GRID2: variants seen among roughly 807,000 people sequenced by gnomAD.
The protein encoded by GRID2 is glutamate ionotropic receptor delta type subunit 2, also known as glutamate receptor ionotropic, delta-2.
GRID2 carries 33 observed loss-of-function variants against 114.8 expected under a neutral mutation model. The observed-to-expected ratio is 0.29, with a 90% CI of 0.22 to 0.38. The LOEUF (loss-of-function observed/expected upper bound fraction) is 0.38, where lower values mean the gene tolerates loss of function less well. GRID2 is among the 10% of genes least tolerant of loss of function. The pLI, the probability that GRID2 is intolerant of heterozygous loss-of-function variation, is 1.00. For missense variants in GRID2, 1,184 were observed against 1,257.7 expected, an observed-to-expected ratio of 0.94 and a Z score of 0.89; for synonymous variants, 505 against 449.9, an observed-to-expected ratio of 1.12 and a Z score of -1.55.
chr4:93,298,510 A>T (rs1312248356), intron 8 of GRID2, among the ~76,000 whole-genome samples: 1 of 152,116 alleles, frequency 6.6e-6, no homozygotes, highest in Non-Finnish European at 1.5e-5. Flanking sequence ...CCTCCCAAAG[A>T]CCCTTTTAGC....
At chr4:92,345,326 T>C (rs572771938) in intron 1 of GRID2, among the ~76,000 whole-genome samples, 1 of 152,390 alleles carries the variant, frequency 6.6e-6, no homozygotes, top group East Asian at 1.9e-4. Context: ...CCATAGTGTG[T>C]CTATACCATG....
chr4:92,894,235 G>T (rs893433002), intron 2 of GRID2, among the ~76,000 whole-genome samples: 10 of 152,018 alleles, frequency 6.6e-5, no homozygotes. Flanking sequence ...TAGAGAGAAG[G>T]TCTCCTTTAC....
chr4:93,631,791 A>G (rs1720917376), intron 14 of GRID2, among the ~76,000 whole-genome samples: 1 of 152,200 alleles, frequency 6.6e-6, no homozygotes, highest in African/African-American at 2.4e-5. Flanking sequence ...GAATCGCCAC[A>G]CTGTCTTCCA....
intron 1 of GRID2, among the ~76,000 whole-genome samples, chr4:92,480,773 A>G (rs1385821356): frequency 6.6e-6 from 1 of 152,168 alleles, no homozygotes; most frequent in Non-Finnish European, 1.5e-5. Context: ...ATTAAGGTGT[A>G]GGCATATCTT....
At chr4:93,688,023 G>A (rs937974613) in intron 14 of GRID2, among the ~76,000 whole-genome samples, 9 of 151,838 alleles carry the variant, frequency 5.9e-5, no homozygotes, top group Admixed American at 4.6e-4. Flanking sequence ...GAGGGAAGAA[G>A]AGCCACCTAT....
intron 10 of GRID2, among the ~76,000 whole-genome samples, chr4:93,435,088 C>G (rs1720943730): frequency 7.8e-6 from 1 of 127,642 alleles, no homozygotes; most frequent in South Asian, 2.2e-4. Flanking sequence ...TTTTATAACA[C>G]TTACAATTAT....
intron 12 of GRID2, among the ~76,000 whole-genome samples, chr4:93,495,293 CT>C (rs1270539355): frequency 6.6e-6 from 1 of 151,054 alleles, no homozygotes; most frequent in African/African-American, 2.4e-5. Context: ...AGAAGAACCC[CT>C]TTTCCCTAGC....
intron 2 of GRID2, among the ~76,000 whole-genome samples, chr4:92,672,665 A>G (rs1324704653): frequency 6.6e-6 from 1 of 151,964 alleles, no homozygotes; most frequent in East Asian, 1.9e-4. Flanking sequence ...CCATTTTCCC[A>G]TCTATTCTTC....
chr4:92,825,852 C>A (rs1448092286), intron 2 of GRID2, among the ~76,000 whole-genome samples: 1 of 152,076 alleles, frequency 6.6e-6, no homozygotes, highest in African/African-American at 2.4e-5. Context: ...CACTGGGGAA[C>A]TACTTAATTC....
At chr4:92,397,091 A>G (rs1465744324) in intron 1 of GRID2, among the ~76,000 whole-genome samples, 2 of 152,088 alleles carry the variant, frequency 1.3e-5, no homozygotes, top group Non-Finnish European at 2.9e-5. Context: ...TCCATTTACA[A>G]AAAGTTGAAT....
chr4:92,393,757 A>G (rs570855914), intron 1 of GRID2, among the ~76,000 whole-genome samples: 1 of 152,262 alleles, frequency 6.6e-6, no homozygotes, highest in South Asian at 2.1e-4. Flanking sequence ...AAATATTATT[A>G]GCCAGAAGTT....
chr4:92,727,835 C>T (rs990572619), intron 2 of GRID2, among the ~76,000 whole-genome samples: 3 of 152,026 alleles, frequency 2.0e-5, no homozygotes, highest in African/African-American at 7.2e-5. Flanking sequence ...CTAGTATCTC[C>T]ATTTTATGGA....
chr4:92,599,755 C>A (rs1477906922), intron 2 of GRID2, among the ~76,000 whole-genome samples: 1 of 151,656 alleles, frequency 6.6e-6, no homozygotes, highest in Non-Finnish European at 1.5e-5. Context: ...GGCCATGCAC[C>A]GTGGCTCACG....
intron 14 of GRID2, among the ~76,000 whole-genome samples, chr4:93,693,868 G>A (rs1281033308): frequency 6.6e-6 from 1 of 152,126 alleles, no homozygotes; most frequent in African/African-American, 2.4e-5. Flanking sequence ...AAATAAGTAT[G>A]TTGAGGAGAA....
chr4:93,587,992 T>C lies in GRID2; in HGVS notation c.2194-38277T>C, dbSNP rs560325973. On this transcript the variant is annotated intron_variant, in intron 13 of 15. Coordinates refer to ENST00000282020, the MANE Select transcript of GRID2 (RefSeq NM_001510.4). ...AGAATCCAGAGATAATAATCCTATA[T>C]TAACCTTTGCTGTTACTTTATGGTT... 2.9e-4 allele frequency among the ~76,000 whole-genome samples: 44 copies of C among 152,288 alleles called. 1 individual carries two copies. Among genetic ancestry groups the C allele is most frequent in the Admixed American group, 5.2e-4 (8 of 15,292 alleles).
At chr4:93,168,468 C>T (rs560628936) in intron 4 of GRID2, among the ~76,000 whole-genome samples, 13 of 151,958 alleles carry the variant, frequency 8.6e-5, no homozygotes, top group Non-Finnish European at 2.9e-5. Context: ...TTTAGTTAGC[C>T]AGTCAAAAGA....
intron 8 of GRID2, among the ~76,000 whole-genome samples, chr4:93,372,361 G>T (rs998574788): frequency 2.5e-5 from 2 of 79,574 alleles, no homozygotes; most frequent in African/African-American, 1.7e-4. Flanking sequence ...TGACAGTAGG[G>T]ATTATAGTAA....
intron 2 of GRID2, among the ~76,000 whole-genome samples, chr4:92,746,666 G>A (rs1737162765): frequency 6.6e-6 from 1 of 151,974 alleles, no homozygotes; most frequent in South Asian, 2.1e-4. Context: ...ATGTTTCACT[G>A]GTATGCATGC....
intron 2 of GRID2, among the ~76,000 whole-genome samples, chr4:92,697,026 T>C (rs1036482585): frequency 6.6e-6 from 1 of 152,230 alleles, no homozygotes; most frequent in Non-Finnish European, 1.5e-5. Flanking sequence ...AAATGAATTT[T>C]AGTGTTTGTG....
Sources: allele counts gnomAD v4.1 joint callset (sites outside exome capture counted in the v4.1 genomes callset), GRCh38; gene constraint gnomAD v4.1.1; transcripts MANE v1.5; gene names NCBI Gene and HGNC (gene_info 2026-07-23, HGNC 2026-07-21).